TMEM101: variants seen among roughly 807,000 people sequenced by gnomAD.
TMEM101 encodes putative NF-kappa-B-activating protein 130.
TMEM101 carries 14 observed loss-of-function variants against 26.0 expected under a neutral mutation model. The ratio of observed to expected loss-of-function variants is 0.54; its 90% CI spans 0.36 to 0.84. The LOEUF (loss-of-function observed/expected upper bound fraction) is 0.84, where lower values mean the gene tolerates loss of function less well. Ranked by LOEUF, TMEM101 falls within the 40% of genes least tolerant of loss-of-function variation. The pLI is 0.01. For missense variants in TMEM101, 292 were observed against 345.1 expected (o/e 0.85, Z 1.22); for synonymous variants, 152 against 145.1 (o/e 1.05, Z -0.34).
At chr17:44,016,118 TACAC>T (rs1004193033), upstream of TMEM101, among the ~76,000 whole-genome samples, 6 of 150,782 alleles carry the variant, frequency 4.0e-5, no homozygotes, top group African/African-American at 9.8e-5. Context: ...TAGATATAGA[TACAC>T]ACGCACACAC....
In TMEM101 at chr17:44,012,441, C is replaced by G. The variant is rs1597869381; in HGVS notation, c.466-205G>C. The G allele has an allele frequency of 1.5e-5, 9 of 582,720 alleles. No homozygotes were observed. In the East Asian group the frequency reaches 2.5e-4, roughly 16 times the overall value. 36.1% of individuals were successfully genotyped at this position (582,720 alleles called of 1,614,324 possible). A position where few individuals can be genotyped will look rare whatever the true frequency, so the allele number is the denominator to read the frequency against. The stretch of plus-strand genomic sequence containing the variant: ...AGATTAGGGCCCATGTCTCCCCTCA[C>G]CCTAGGGGCTATGAAGGAAGTGTAT... On this transcript the variant is annotated intron_variant, in intron 3 of 3. Transcript: ENST00000206380.
chr17:44,022,789 T>C (rs1274542994), intron 1 of TMEM101, among the ~76,000 whole-genome samples: 1 of 152,082 alleles, frequency 6.6e-6, no homozygotes. Context: ...AGCCGAAAAA[T>C]GGCATGCTTT....
At chr17:44,017,420 G>A (rs1478600768), upstream of TMEM101, among the ~76,000 whole-genome samples, 1 of 116,346 alleles carries the variant, frequency 8.6e-6, no homozygotes, top group Admixed American at 1.0e-4. Flanking sequence ...GTGAAACCCC[G>A]TCTCTACTAA....
At position 44,011,873 on chromosome 17, in the gene TMEM101, G is replaced by A. The variant is rs1348092259; in HGVS notation, c.*55C>T. ...CAGCAGCTGGGCCAGCAAGGAGGAA[G>A]GCAGGGTGACCCTCAGTGGCTCCCT... On this transcript the variant is annotated 3_prime_UTR_variant, in exon 4 of 4. Transcript: ENST00000206380. The A allele has an allele frequency of 4.7e-6, 7 of 1,501,218 alleles. No homozygotes were observed. In the South Asian group the frequency reaches 7.5e-5, roughly 16 times the overall value. 93.0% of individuals were successfully genotyped at this position (1,501,218 alleles called of 1,614,324 possible). A position where few individuals can be genotyped will look rare whatever the true frequency, so the allele number is the denominator to read the frequency against.
Position 44,020,448 on chromosome 17 carries a change from C to T in TMEM101, c.-210+874G>A, listed in dbSNP as rs1232197552. Among the ~76,000 whole-genome samples, 8 of 152,132 alleles carry T rather than the reference C, an allele frequency of 5.3e-5. No individual in the cohort carries two copies. The South Asian group carries it at 8.3e-4, about 16-fold the overall frequency. ...TTCAAGTGTTATCCCGGGCCAGGCG[C>T]GGTGGCTCACACCTGCAATCCCAGC... On this transcript the variant is annotated intron_variant, in intron 2 of 4. Transcript: ENST00000585950.
chr17:44,016,965 T>C (rs2049238646), upstream of TMEM101, among the ~76,000 whole-genome samples: 1 of 151,864 alleles, frequency 6.6e-6, no homozygotes, highest in African/African-American at 2.4e-5. Flanking sequence ...AAACCCCGTC[T>C]CTACTAAAAA....
chr17:44,013,641 GGA>G (rs1044381166), intron 2 of TMEM101, among the ~76,000 whole-genome samples: 5 of 152,070 alleles, frequency 3.3e-5, no homozygotes, highest in Admixed American at 3.3e-4. Flanking sequence ...CCTGGGCGAC[GGA>G]GAGAGACTCT....
At chr17:44,019,676 T>C (rs80207893), upstream of TMEM101, among the ~76,000 whole-genome samples, 1 of 152,176 alleles carries the variant, frequency 6.6e-6, no homozygotes, top group Non-Finnish European at 1.5e-5. Context: ...TTCAATTGAG[T>C]TCAAATTTAA....
intron 2 of TMEM101, 75 bp downstream of exon 2, chr17:44,014,282 A>C: frequency 6.7e-7 from 1 of 1,489,216 alleles, no homozygotes; most frequent in Non-Finnish European, 9.0e-7. Context: ...TTCATCGCCC[A>C]CCAACAGCCC....
upstream of TMEM101, among the ~76,000 whole-genome samples, chr17:44,015,995 C>T (rs1005720660): frequency 1.1e-4 from 17 of 151,980 alleles, no homozygotes; most frequent in Non-Finnish European, 2.1e-4. Flanking sequence ...TCTCTGCATT[C>T]CCCTCCAGTG....
At chr17:44,014,336 T>G (rs1190139059) in intron 2 of TMEM101, 21 bp downstream of exon 2, 2 of 1,542,620 alleles carry the variant, frequency 1.3e-6, no homozygotes, top group Non-Finnish European at 1.8e-6. Context: ...GGGAAGACCC[T>G]TTTGGGGCCG....
At chr17:44,014,564 G>T (rs746021466) in intron 1 of TMEM101, 27 bp from the exon 2 acceptor site, 1 of 1,568,482 alleles carries the variant, frequency 6.4e-7, no homozygotes, top group South Asian at 1.1e-5. Context: ...GGGAAGCAAC[G>T]AGGACAGAAT....
Position 44,011,860 on chromosome 17 carries a change from C to T in TMEM101, c.*68G>A. ...AAGCATAAATAAACAGCAGCTGGGC[C>T]AGCAAGGAGGAAGGCAGGGTGACCC... On this transcript the variant is annotated 3_prime_UTR_variant, in exon 4 of 4. Transcript: ENST00000206380. The T allele has an allele frequency of 6.9e-7, 1 of 1,449,766 alleles. No individual in the cohort carries two copies. The highest frequency in any genetic ancestry group is 9.4e-7 in the Non-Finnish European group (1 of 1,068,786). 89.8% of individuals were successfully genotyped at this position (1,449,766 alleles called of 1,614,324 possible). A position where few individuals can be genotyped will look rare whatever the true frequency, so the allele number is the denominator to read the frequency against.
chr17:44,012,668 A>C, intron 3 of TMEM101: 3 of 411,996 alleles, frequency 7.3e-6, no homozygotes, highest in Non-Finnish European at 1.3e-5. Context: ...GCAGAGTCCC[A>C]GCTGGGGCCT....
intron 2 of TMEM101, among the ~76,000 whole-genome samples, chr17:44,013,405 A>G (rs1008588021): frequency 6.6e-6 from 1 of 152,208 alleles, no homozygotes; most frequent in African/African-American, 2.4e-5. Flanking sequence ...CACGCCTGTA[A>G]TCCCAGCACT....
chr17:44,017,733 A>G (rs1425996862), upstream of TMEM101, among the ~76,000 whole-genome samples: 3 of 151,294 alleles, frequency 2.0e-5, no homozygotes, highest in African/African-American at 7.3e-5. Context: ...ATTGCACTCC[A>G]GCCTGGGCGA....
chr17:44,019,978 A>G (rs940450274), intron 2 of TMEM101, among the ~76,000 whole-genome samples: 9 of 152,238 alleles, frequency 5.9e-5, no homozygotes, highest in Non-Finnish European at 1.0e-4. Context: ...ACATGACAGT[A>G]CACAGCTGAG....
chr17:44,021,388 G>A (rs185633005), exon 2 of TMEM101: 2 of 152,304 alleles, frequency 1.3e-5, no homozygotes, highest in East Asian at 3.9e-4. Flanking sequence ...CAAGTTTGCA[G>A]TTATGGTGGA....
chr17:44,017,694 C>T (rs1390983043), upstream of TMEM101, among the ~76,000 whole-genome samples: 21 of 148,268 alleles, frequency 1.4e-4, no homozygotes, highest in African/African-American at 4.8e-4. Flanking sequence ...ATCTGGGAGA[C>T]GGAGGTTGGA....
Sources: gnomAD v4.1 joint callset for allele counts (sites outside exome capture counted in the v4.1 genomes callset) on GRCh38, gnomAD v4.1.1 for gene constraint, MANE v1.5 for transcripts, NCBI Gene and HGNC (gene_info 2026-07-23, HGNC 2026-07-21) for gene names.